CLDN14: variants seen among roughly 807,000 people sequenced by gnomAD.
CLDN14 encodes claudin-14.
CLDN14 carries 2 observed loss-of-function variants against 2.1 expected under a neutral mutation model. The observed-to-expected ratio is 0.96, with a 90% CI of 0.39 to 3.01. CLDN14 has a LOEUF of 3.01. Among genes scored for constraint, CLDN14 ranks in the 30% most tolerant of loss-of-function variants. The pLI, the probability that CLDN14 is intolerant of heterozygous loss-of-function variation, is 0.09. For missense variants in CLDN14, 298 were observed against 328.0 expected, an observed-to-expected ratio of 0.91 and a Z score of 0.71; for synonymous variants, 136 against 154.4, an observed-to-expected ratio of 0.88 and a Z score of 0.88.
intron 2 of CLDN14, chr21:36,486,859 G>A: frequency 1.4e-6 from 1 of 715,816 alleles, no homozygotes; most frequent in Non-Finnish European, 2.6e-6. Context: ...CTTGCCCTTG[G>A]GTTGGACGGT....
intron 2 of CLDN14, chr21:36,486,893 C>A: frequency 7.6e-6 from 5 of 659,512 alleles, no homozygotes; most frequent in Non-Finnish European, 1.1e-5. Context: ...AGGATGCGGC[C>A]GGTGTCTAGA....
At chr21:36,575,028 T>C (rs1448816967) in intron 1 of CLDN14, among the ~76,000 whole-genome samples, 1 of 152,210 alleles carries the variant, frequency 6.6e-6, no homozygotes, top group Admixed American at 6.5e-5. Flanking sequence ...CACTTGTCTC[T>C]CCCTAAGAAT....
At chr21:36,475,260 C>G (rs1020146075) in intron 1 of CLDN14, among the ~76,000 whole-genome samples, 1 of 152,202 alleles carries the variant, frequency 6.6e-6, no homozygotes, top group East Asian at 1.9e-4. Flanking sequence ...GGGAAATATG[C>G]GTGCACACAA....
intron 1 of CLDN14, among the ~76,000 whole-genome samples, chr21:36,531,714 A>G (rs1361789710): frequency 6.7e-6 from 1 of 150,204 alleles, no homozygotes; most frequent in Non-Finnish European, 1.5e-5. Flanking sequence ...TTTTTAACTA[A>G]GGAAAATATA....
At chr21:36,556,013 C>A (rs1003787791) in intron 1 of CLDN14, among the ~76,000 whole-genome samples, 2 of 152,138 alleles carry the variant, frequency 1.3e-5, no homozygotes, top group African/African-American at 4.8e-5. Flanking sequence ...AGATATCACT[C>A]CTGCAAACAT....
chr21:36,486,094 G>C (rs1416675581), intron 2 of CLDN14: 1 of 1,360,016 alleles, frequency 7.4e-7, no homozygotes, highest in African/African-American at 1.4e-5. Flanking sequence ...CACCTGGGAG[G>C]TTCTCCAGGA....
intron 1 of CLDN14, among the ~76,000 whole-genome samples, chr21:36,562,267 A>G (rs186718319): frequency 5.7e-4 from 86 of 152,092 alleles, no homozygotes; most frequent in African/African-American, 1.8e-3. Context: ...ATGGCTTTCT[A>G]TGGGGCTTCA....
chr21:36,571,062 G>A (rs2087706773), intron 1 of CLDN14, among the ~76,000 whole-genome samples: 1 of 152,124 alleles, frequency 6.6e-6, no homozygotes. Flanking sequence ...GGCTGGTCTC[G>A]AACTCCTGAC....
At chr21:36,527,606 C>A (rs1201413474) in intron 1 of CLDN14, among the ~76,000 whole-genome samples, 2 of 152,120 alleles carry the variant, frequency 1.3e-5, no homozygotes, top group African/African-American at 4.8e-5. Flanking sequence ...GATACGAATC[C>A]CTCATTTGGG....
At chr21:36,542,792 G>T (rs2087500558) in intron 1 of CLDN14, 1 of 152,380 alleles carries the variant, frequency 6.6e-6, no homozygotes, top group African/African-American at 2.4e-5. Context: ...AATAATTGAG[G>T]CGCAGAGTGG....
At chr21:36,550,302 G>T (rs892852803) in intron 1 of CLDN14, among the ~76,000 whole-genome samples, 1 of 152,152 alleles carries the variant, frequency 6.6e-6, no homozygotes, top group South Asian at 2.1e-4. Context: ...GCCCAGACAT[G>T]CAGCGGGTCT....
chr21:36,567,842 AT>A (rs140587632), intron 1 of CLDN14, among the ~76,000 whole-genome samples: 50 of 149,786 alleles, frequency 3.3e-4, no homozygotes, highest in East Asian at 1.2e-3. Flanking sequence ...AAAGTCATTC[AT>A]TTTTTTTTTC....
At chr21:36,536,848 G>A (rs1458809026) in intron 1 of CLDN14, among the ~76,000 whole-genome samples, 1 of 152,088 alleles carries the variant, frequency 6.6e-6, no homozygotes, top group African/African-American at 2.4e-5. Flanking sequence ...ATTGCCTATT[G>A]GCAGAGACAC....
intron 1 of CLDN14, among the ~76,000 whole-genome samples, chr21:36,516,386 A>G (rs1325472413): frequency 6.6e-6 from 1 of 152,200 alleles, no homozygotes; most frequent in East Asian, 1.9e-4. Context: ...GTTATGAATA[A>G]GAATACAAGC....
At chr21:36,472,698 C>A (rs2086725033) in intron 1 of CLDN14, among the ~76,000 whole-genome samples, 1 of 152,144 alleles carries the variant, frequency 6.6e-6, no homozygotes, top group Non-Finnish European at 1.5e-5. Flanking sequence ...TCTCACAATT[C>A]CGGAGGCTGG....
intron 2 of CLDN14, among the ~76,000 whole-genome samples, chr21:36,502,725 T>TG (rs1277071474): frequency 2.6e-5 from 4 of 152,278 alleles, no homozygotes; most frequent in Non-Finnish European, 5.9e-5. Flanking sequence ...TATCCACTAA[T>TG]GCTTTAATAG....
At chr21:36,530,471 A>T (rs1408087785) in intron 1 of CLDN14, among the ~76,000 whole-genome samples, 1 of 152,212 alleles carries the variant, frequency 6.6e-6, no homozygotes, top group Non-Finnish European at 1.5e-5. Context: ...TTTACTGAAC[A>T]CCTGCTATGT....
chr21:36,500,470 T>C (rs1212264718), intron 2 of CLDN14, among the ~76,000 whole-genome samples: 1 of 152,220 alleles, frequency 6.6e-6, no homozygotes, highest in African/African-American at 2.4e-5. Flanking sequence ...CTTGTTCTGT[T>C]GCCCAGGCTG....
intron 2 of CLDN14, among the ~76,000 whole-genome samples, chr21:36,506,609 AAAAG>A (rs1306161966): frequency 7.3e-5 from 11 of 149,922 alleles, no homozygotes; most frequent in East Asian, 1.9e-4. Context: ...AAAAAAAAAA[AAAAG>A]AAAGAACAAA....
Sources: allele counts gnomAD v4.1 joint callset (sites outside exome capture counted in the v4.1 genomes callset), GRCh38; gene constraint gnomAD v4.1.1; transcripts MANE v1.5; gene names NCBI Gene and HGNC (gene_info 2026-07-23, HGNC 2026-07-21).